Variants in KRT6B observed in about 807,000 individuals in gnomAD.
KRT6B encodes the protein keratin, type II cytoskeletal 6B.
In KRT6B, 29 loss-of-function variants were observed where a neutral mutation model predicts 44.7. The observed-to-expected ratio is 0.65, with a 90% CI of 0.48 to 0.88. KRT6B has a LOEUF of 0.88. Among genes scored for constraint, KRT6B ranks in the 40% least tolerant of loss-of-function variants. The pLI, the probability that KRT6B is intolerant of heterozygous loss-of-function variation, is 0.00. For missense variants in KRT6B, 600 were observed against 724.0 expected (o/e 0.83, Z 1.97); for synonymous variants, 213 against 296.0 (o/e 0.72, Z 2.88).
In KRT6B at chr12:52,449,588, G is replaced by C; in HGVS notation, c.958C>G (p.Leu320Val). ...AGGTTGCGGTTGTTGTCCATGGATAGCACCACGGATGTGTCTGAGATGTGG... is the reference window on the plus strand; with the variant it reads ...AGGTTGCGGTTGTTGTCCATGGATACCACCACGGATGTGTCTGAGATGTGG... ...QTHISDTSVV[L>V]SMDNNRNLDL... Residue 320 changes from leucine (L) to valine (V), a missense_variant, in exon 5 of 9, where the codon CTA (leucine) becomes GTA (valine). Around this residue, in one of 4 missense-constraint regions of KRT6B, gnomAD observed 479 missense variants for 454.2 expected, o/e 1.05. Transcript: ENST00000252252. 1 of 1,614,224 alleles carries C rather than the reference G, an allele frequency of 6.2e-7. No individual in the cohort carries two copies. The highest frequency in any genetic ancestry group is 8.5e-7 in the Non-Finnish European group (1 of 1,180,034).
At position 52,449,533 on chromosome 12, in the gene KRT6B, T is replaced by C; in HGVS notation, c.1013A>G (p.Lys338Arg). ...CTGAGCAATCTCCTCATATTGGGCCTTGACCTCAGCGATGATGCTGTCCAG... is the reference window on the plus strand; with the variant it reads ...CTGAGCAATCTCCTCATATTGGGCCCTGACCTCAGCGATGATGCTGTCCAG... ...LDLDSIIAEV[K>R]AQYEEIAQRS... The change falls in exon 5 of 9, where the codon AAG becomes AGG. Residue 338 changes from lysine to arginine, a missense_variant. Coordinates refer to ENST00000252252, the MANE Select transcript of KRT6B (RefSeq NM_005555.4). The C allele has an allele frequency of 6.2e-7, 1 of 1,614,212 alleles. No individual in the cohort carries two copies. The highest frequency in any genetic ancestry group is 8.5e-7 in the Non-Finnish European group (1 of 1,180,036).
In KRT6B at chr12:52,447,193, G is replaced by C. The variant is rs748185532; in HGVS notation, c.1692C>G (p.His564Gln). 1.1e-5 allele frequency: 17 copies of C among 1,613,976 alleles called. No individual in the cohort carries two copies. The African/African-American group carries it at 2.3e-4, about 22-fold the overall frequency. ...TSSSSRKSYK[H>Q] is the part of the protein sequence containing the mutation. ...ACTGAGAGCTGGCGGCAGCACTTCA[G>C]TGCTTGTAGCTCTTCCTGCTGGAGG... Residue 564 changes from histidine (H) to glutamine (Q), a missense_variant, in exon 9 of 9, where the codon CAC becomes CAG. Coordinates refer to ENST00000252252, the MANE Select transcript of KRT6B (RefSeq NM_005555.4).
chr12:52,451,515 A>G (rs1383159657), intron 1 of KRT6B, 24 bp downstream of exon 1: 9 of 1,613,454 alleles, frequency 5.6e-6, no homozygotes, highest in Middle Eastern at 3.4e-4. Flanking sequence ...GAAGTGCCCG[A>G]TGGAGGGCAT....
chr12:52,450,530 C>G lies in KRT6B; in HGVS notation c.631G>C (p.Glu211Gln), dbSNP rs746921672. ...QGTKTVRQNL[E>Q]PLFEQYINNL... ...TTGATGTACTGCTCGAACAACGGCT[C>G]CAGGTTCTGCCTCACAGTCTTGGTG... Residue 211 changes from glutamate (E) to glutamine (Q), a missense_variant, in exon 2 of 9, where the codon GAG becomes CAG. By Grantham distance (29) the Glu-to-Gln change is conservative. Coordinates refer to ENST00000252252, the MANE Select transcript of KRT6B (RefSeq NM_005555.4). The G allele has an allele frequency of 1.9e-6, 3 of 1,614,234 alleles. No individual in the cohort carries two copies. In the Admixed American group the frequency reaches 5.0e-5, roughly 27 times the overall value.
chr12:52,450,845 A>G (rs1940392569), intron 1 of KRT6B, among the ~76,000 whole-genome samples: 1 of 152,268 alleles, frequency 6.6e-6, no homozygotes, highest in African/African-American at 2.4e-5. Context: ...TCGCACTGTA[A>G]GCTATTGATC....
At position 52,450,097 on chromosome 12, in the gene KRT6B, C is replaced by T. The variant is rs377677550; in HGVS notation, c.756-25G>A. On this transcript the variant is annotated intron_variant, in intron 2 of 8. Coordinates refer to ENST00000252252, the MANE Select transcript of KRT6B (RefSeq NM_005555.4). ...TCTACAGGAAGAAAGGCATGGGACACATTTGAGCCAGTGGGTAGGATGAAA... is the reference window on the plus strand; with the variant it reads ...TCTACAGGAAGAAAGGCATGGGACATATTTGAGCCAGTGGGTAGGATGAAA... 17 of 1,613,850 alleles carry T rather than the reference C, an allele frequency of 1.1e-5. No homozygotes were observed. In the African/African-American group the frequency reaches 1.7e-4, roughly 16 times the overall value.
In KRT6B at chr12:52,449,741, A is replaced by C. The variant is rs1387881735; in HGVS notation, c.912+17T>G. ...AGACCCCATCAGAGTAAACAGAAGG[A>C]TGGTGGAGTTGCTTACTGCATCATA... On this transcript the variant is annotated intron_variant, in intron 4 of 8. Coordinates refer to ENST00000252252, the MANE Select transcript of KRT6B (RefSeq NM_005555.4). 5 of 1,613,990 alleles carry C rather than the reference A, an allele frequency of 3.1e-6. No individual in the cohort carries two copies. The highest frequency in any genetic ancestry group is 2.2e-5 in the East Asian group (1 of 44,900).
Position 52,447,133 on chromosome 12 carries a change from G to T in KRT6B, c.*57C>A. 1 of 1,605,656 alleles carries T rather than the reference G, an allele frequency of 6.2e-7. No homozygotes were observed. The highest frequency in any genetic ancestry group is 8.5e-7 in the Non-Finnish European group (1 of 1,175,204). ...GGAGGACAAGCAACCTGAGGAGAGG[G>T]CTCTGCTGCCAGAGAGGGGCCTGAG... is the stretch of plus-strand genomic sequence containing the variant. On this transcript the variant is annotated 3_prime_UTR_variant, in exon 9 of 9. Transcript: ENST00000252252.
At position 52,449,547 on chromosome 12, in the gene KRT6B, G is replaced by A; in HGVS notation, c.999C>T (p.Ile333=). 1 of 1,614,198 alleles carries A rather than the reference G, an allele frequency of 6.2e-7. No homozygotes were observed. Among genetic ancestry groups the A allele is most frequent in the Admixed American group, 1.7e-5 (1 of 60,022 alleles). The change falls in exon 5 of 9, where the codon ATC becomes ATT. Residue 333 remains isoleucine (I), a synonymous_variant. Coordinates refer to ENST00000252252, the MANE Select transcript of KRT6B (RefSeq NM_005555.4). ...DNNRNLDLDS[I]IAEVKAQYEE... ...CATATTGGGCCTTGACCTCAGCGAT[G>A]ATGCTGTCCAGGTCCAGGTTGCGGT...
At position 52,452,049 on chromosome 12, in the gene KRT6B, G is replaced by A; in HGVS notation, c.30C>T (p.Ser10=). Residue 10 remains serine, a synonymous_variant, in exon 1 of 9, where the codon AGC becomes AGT. Coordinates refer to ENST00000252252, the MANE Select transcript of KRT6B (RefSeq NM_005555.4). MASTSTTIR[S]HSSSRRGFSA... Reference sequence around the variant, plus strand: ...TGAAACCCCGGCGGCTGCTGCTGTGGCTCCTGATGGTGGTGGATGTGCTGG... The same window carrying A: ...TGAAACCCCGGCGGCTGCTGCTGTGACTCCTGATGGTGGTGGATGTGCTGG... The A allele has an allele frequency of 6.2e-7, 1 of 1,614,152 alleles. No individual in the cohort carries two copies. Among genetic ancestry groups the A allele is most frequent in the Non-Finnish European group, 8.5e-7 (1 of 1,180,024 alleles).
chr12:52,446,800 T>G lies in KRT6B; in HGVS notation c.*390A>C. ...AGATCAGGACAACTGACTTGTCAGATGAGAACTCCTGAGTGTAGCTATAAT... is the reference window on the plus strand; with the variant it reads ...AGATCAGGACAACTGACTTGTCAGAGGAGAACTCCTGAGTGTAGCTATAAT... On this transcript the variant is annotated 3_prime_UTR_variant, in exon 9 of 9. Coordinates refer to ENST00000252252, the MANE Select transcript of KRT6B (RefSeq NM_005555.4). 3.6e-6 allele frequency: 1 copy of G among 278,738 alleles called. No individual in the cohort carries two copies. The highest frequency in any genetic ancestry group is 4.8e-5 in the Admixed American group (1 of 20,622). 17.3% of individuals were successfully genotyped at this position (278,738 alleles called of 1,614,324 possible). A position where few individuals can be genotyped will look rare whatever the true frequency, so the allele number is the denominator to read the frequency against.
At position 52,449,496 on chromosome 12, in the gene KRT6B, A is replaced by G; in HGVS notation, c.1050T>C (p.Ala350=). ...QYEEIAQRSR[A]EAESWYQTKY... ...TTGTCTGGTACCAGGACTCAGCCTC[A>G]GCCCTGCTCCTCTGAGCAATCTCCT... Residue 350 remains alanine (A), a synonymous_variant, in exon 5 of 9, where the codon GCT becomes GCC. Coordinates refer to ENST00000252252, the MANE Select transcript of KRT6B (RefSeq NM_005555.4). The G allele has an allele frequency of 2.5e-6, 4 of 1,614,164 alleles. No homozygotes were observed. Among genetic ancestry groups the G allele is most frequent in the Non-Finnish European group, 3.4e-6 (4 of 1,180,030 alleles).
At position 52,448,909 on chromosome 12, in the gene KRT6B, T is replaced by C. The variant is rs1940353438; in HGVS notation, c.1136A>G (p.Gln379Arg). ...RHGDDLRNTK[Q>R]EIAEINRMIQ... ...CATGCGGTTGATCTCAGCAATCTCCTGCTTGGTGTTGCGCAGGTCGTCCCC... is the reference window on the plus strand; with the variant it reads ...CATGCGGTTGATCTCAGCAATCTCCCGCTTGGTGTTGCGCAGGTCGTCCCC... Residue 379 changes from glutamine to arginine, a missense_variant, in exon 6 of 9, where the codon CAG becomes CGG. Gln to Arg is a conservative substitution (Grantham distance 43, BLOSUM62 1). Coordinates refer to ENST00000252252, the MANE Select transcript of KRT6B (RefSeq NM_005555.4). 7 of 1,613,916 alleles carry C rather than the reference T, an allele frequency of 4.3e-6. No homozygotes were observed. The highest frequency in any genetic ancestry group is 5.9e-6 in the Non-Finnish European group (7 of 1,180,000).
At chr12:52,448,075 G>A in intron 6 of KRT6B, 77 bp from the exon 7 acceptor site, 1 of 1,588,182 alleles carries the variant, frequency 6.3e-7, no homozygotes. Flanking sequence ...TTCTTTTCCA[G>A]TGAAGAAGGC....
chr12:52,451,852 C>G lies in KRT6B; in HGVS notation c.227G>C (p.Ser76Thr), dbSNP rs1305904902. 3 of 1,611,972 alleles carry G rather than the reference C, an allele frequency of 1.9e-6. No individual in the cohort carries two copies. In the African/African-American group the frequency reaches 4.0e-5, roughly 22 times the overall value. The change falls in exon 1 of 9, where the codon AGC becomes ACC. Residue 76 changes from serine to threonine, a missense_variant. Around this residue, in one of 4 missense-constraint regions of KRT6B, gnomAD observed 12 missense variants for 93.3 expected, o/e 0.13. Transcript: ENST00000252252. Reference protein sequence around the residue: ...GSKRISIGGGSCAISGGYGSR... With the variant: ...GSKRISIGGGTCAISGGYGSR... ...GCCATAGCCGCCACTGATGGCACAG[C>G]TGCCCCCTCCAATGGAGATCCTCTT...
In KRT6B at chr12:52,447,580, A is replaced by T. The variant is rs751158036; in HGVS notation, c.1425-7T>A. 6 of 1,613,988 alleles carry T rather than the reference A, an allele frequency of 3.7e-6. No individual in the cohort carries two copies. In the Admixed American group the frequency reaches 6.7e-5, roughly 18 times the overall value. ...AACGCCTTCGCCATTCAGCCTGTGG[A>T]GAGGAACACAGGGAGGGTGAGACCT... On this transcript the variant is annotated splice_region_variant and splice_polypyrimidine_tract_variant and intron_variant, in intron 7 of 8. Coordinates refer to ENST00000252252, the MANE Select transcript of KRT6B (RefSeq NM_005555.4).
intron 6 of KRT6B, 37 bp downstream of exon 6, chr12:52,448,805 A>T (rs1565799793): frequency 6.2e-7 from 1 of 1,614,128 alleles, no homozygotes; most frequent in Non-Finnish European, 8.5e-7. Flanking sequence ...CTAATAAAAA[A>T]AATGATGCTT....
In KRT6B at chr12:52,452,112, G is replaced by T. The variant is rs776986034; in HGVS notation, c.-34C>A. The T allele has an allele frequency of 3.7e-6, 6 of 1,613,954 alleles. No individual in the cohort carries two copies. In the East Asian group the frequency reaches 1.1e-4, roughly 30 times the overall value. On this transcript the variant is annotated 5_prime_UTR_variant, in exon 1 of 9. Transcript: ENST00000252252. Reference sequence around the variant, plus strand: ...GAGATGAGAGGGCTTAGGAGAGTGTGAGAGGCTGGAGGCGAGAGGGAGGAG... The same window carrying T: ...GAGATGAGAGGGCTTAGGAGAGTGTTAGAGGCTGGAGGCGAGAGGGAGGAG...
intron 7 of KRT6B, 25 bp from the exon 8 acceptor site, chr12:52,447,598 T>C: frequency 1.2e-6 from 2 of 1,613,842 alleles, no homozygotes; most frequent in Non-Finnish European, 1.7e-6. Flanking sequence ...ACAGGGAGGG[T>C]GAGACCTTCC....
Sources: gnomAD v4.1 joint callset for allele counts (sites outside exome capture counted in the v4.1 genomes callset) on GRCh38, gnomAD v4.1.1 for gene constraint, gnomAD v4.1.1 regional missense constraint, MANE v1.5 for transcripts, NCBI Gene and HGNC (gene_info 2026-07-23, HGNC 2026-07-21) for gene names.